COL5A2: variants seen among roughly 807,000 people sequenced by gnomAD.
COL5A2 encodes the protein collagen type V alpha 2 chain.
Under a neutral mutation model 208.2 loss-of-function variants are expected in COL5A2, and 23 were observed. The ratio of observed to expected loss-of-function variants is 0.11; its 90% CI spans 0.08 to 0.16. The LOEUF is 0.16. Among genes scored for constraint, COL5A2 ranks in the 10% least tolerant of loss-of-function variants. The pLI is 1.00. For missense variants in COL5A2, 1,590 were observed against 1,956.4 expected, an observed-to-expected ratio of 0.81 and a Z score of 3.53; for synonymous variants, 625 against 628.5, an observed-to-expected ratio of 0.99 and a Z score of 0.08.
chr2:189,130,329 G>T (rs983983827), intron 1 of COL5A2, among the ~76,000 whole-genome samples: 7 of 151,968 alleles, frequency 4.6e-5, no homozygotes, highest in Non-Finnish European at 1.0e-4. Flanking sequence ...TAAGTGTCAG[G>T]ATTTGAGTTT....
the COL5A2 span, among the ~76,000 whole-genome samples, chr2:189,421,418 T>C: frequency 6.6e-6 from 1 of 152,080 alleles, no homozygotes; most frequent in Admixed American, 6.5e-5. Context: ...GGTTATAGCA[T>C]AATAATAATA....
At chr2:189,115,168 C>T (rs1420669936) in intron 1 of COL5A2, among the ~76,000 whole-genome samples, 2 of 152,140 alleles carry the variant, frequency 1.3e-5, no homozygotes, top group Non-Finnish European at 2.9e-5. Flanking sequence ...TATCTGATCA[C>T]ATTTTATTTG....
the COL5A2 span, among the ~76,000 whole-genome samples, chr2:189,263,674 TA>T: frequency 6.6e-6 from 1 of 152,178 alleles, no homozygotes. Flanking sequence ...TGTACCTTTT[TA>T]AATCTTTTAT....
intron 1 of COL5A2, among the ~76,000 whole-genome samples, chr2:189,130,915 G>A (rs1189724432): frequency 1.3e-5 from 2 of 152,010 alleles, no homozygotes; most frequent in Non-Finnish European, 2.9e-5. Context: ...AGTGTTAACA[G>A]ACAGAAAAGA....
the COL5A2 span, among the ~76,000 whole-genome samples, chr2:189,268,942 A>T: frequency 6.6e-6 from 1 of 152,116 alleles, no homozygotes; most frequent in Admixed American, 6.6e-5. Flanking sequence ...ATAAATAAGA[A>T]GATCACGTGT....
chr2:189,185,430 A>G (rs1316171906), intron 1 of COL5A2, among the ~76,000 whole-genome samples: 1 of 152,248 alleles, frequency 6.6e-6, no homozygotes, highest in Admixed American at 6.5e-5. Flanking sequence ...ACTACAAATG[A>G]GAAATAATGG....
chr2:189,164,747 C>T (rs887698425), intron 1 of COL5A2, among the ~76,000 whole-genome samples: 3 of 151,996 alleles, frequency 2.0e-5, no homozygotes, highest in African/African-American at 7.3e-5. Context: ...TCTTTTGAAC[C>T]AATAAGGTAG....
chr2:189,083,916 G>A (rs1686593916), intron 12 of COL5A2, 68 bp downstream of exon 12: 1 of 1,162,266 alleles, frequency 8.6e-7, no homozygotes, highest in African/African-American at 1.5e-5. Flanking sequence ...TGTGCATACA[G>A]AGAATTGTGA....
At chr2:189,265,092 C>G in the COL5A2 span, among the ~76,000 whole-genome samples, 1 of 152,054 alleles carries the variant, frequency 6.6e-6, no homozygotes, top group South Asian at 2.1e-4. Flanking sequence ...TATAAAAACA[C>G]TAATTCAAAA....
upstream of COL5A2, among the ~76,000 whole-genome samples, chr2:189,229,480 A>G (rs1689455691): frequency 6.6e-6 from 1 of 151,582 alleles, no homozygotes; most frequent in African/African-American, 2.4e-5. Context: ...CAAATTCAGT[A>G]AAGTTCCAGG....
intron 44 of COL5A2, 71 bp downstream of exon 44, chr2:189,049,276 T>A (rs1685732737): frequency 9.4e-7 from 1 of 1,062,256 alleles, no homozygotes; most frequent in Admixed American, 2.0e-5. Flanking sequence ...CTAAATCAAT[T>A]GCTAAATGAA....
chr2:189,167,998 C>T (rs13019076), intron 1 of COL5A2, among the ~76,000 whole-genome samples: 87,929 of 148,946 alleles, frequency 0.59, 27,092 homozygotes, highest in East Asian at 0.72. Context: ...AGTGCAGTGG[C>T]GCCATCTCGG....
intron 3 of COL5A2, among the ~76,000 whole-genome samples, chr2:189,102,038 A>T (rs563772777): frequency 1.3e-5 from 2 of 152,234 alleles, no homozygotes; most frequent in Non-Finnish European, 2.9e-5. Context: ...ATTTTTCAAA[A>T]TGCTGAAAGA....
chr2:189,061,550 A>G lies in COL5A2; in HGVS notation c.2031+12T>C, dbSNP rs1272586048. The G allele has an allele frequency of 6.2e-7, 1 of 1,604,514 alleles. No individual in the cohort carries two copies. Among genetic ancestry groups the G allele is most frequent in the Non-Finnish European group, 8.5e-7 (1 of 1,171,640 alleles). On this transcript the variant is annotated intron_variant, in intron 30 of 53. Transcript: ENST00000374866. ...AATGGAAGATGAAATGGAAAACCGA[A>G]TTAGTGCATACCTGAAAACCTGTGG...
chr2:189,426,102 T>G, the COL5A2 span, among the ~76,000 whole-genome samples: 1 of 151,998 alleles, frequency 6.6e-6, no homozygotes, highest in Non-Finnish European at 1.5e-5. Flanking sequence ...AATGGGCAGG[T>G]TGGAAGAGTT....
the COL5A2 span, among the ~76,000 whole-genome samples, chr2:189,421,034 CTAA>C: frequency 6.6e-6 from 1 of 152,050 alleles, no homozygotes; most frequent in Admixed American, 6.6e-5. Flanking sequence ...AATCAGTATA[CTAA>C]TAAATTAATT....
intron 1 of COL5A2, among the ~76,000 whole-genome samples, chr2:189,176,384 A>C (rs1688678759): frequency 6.6e-6 from 1 of 152,134 alleles, no homozygotes; most frequent in Non-Finnish European, 1.5e-5. Context: ...TGATGTACAA[A>C]CACTGGCTTG....
intron 29 of COL5A2, among the ~76,000 whole-genome samples, chr2:189,062,389 G>A (rs1398718863): frequency 6.6e-6 from 1 of 151,820 alleles, no homozygotes; most frequent in Admixed American, 6.6e-5. Context: ...TCACCATGTT[G>A]GCCAGGCTGG....
chr2:189,165,956 A>G (rs1349931208), intron 1 of COL5A2, among the ~76,000 whole-genome samples: 2 of 152,188 alleles, frequency 1.3e-5, no homozygotes, highest in African/African-American at 2.4e-5. Flanking sequence ...TTATTTATCT[A>G]TTTATTTATT....
Sources: allele counts gnomAD v4.1 joint callset (sites outside exome capture counted in the v4.1 genomes callset), GRCh38; gene constraint gnomAD v4.1.1; transcripts MANE v1.5; gene names NCBI Gene and HGNC (gene_info 2026-07-23, HGNC 2026-07-21).